MAML1: variants seen among roughly 807,000 people sequenced by gnomAD.
The protein encoded by MAML1 is mastermind-like protein 1.
A neutral mutation model predicts 77.1 loss-of-function variants in MAML1; 14 were observed. That is an observed-to-expected ratio of 0.18 (90% confidence interval 0.12 to 0.28). MAML1 has a LOEUF of 0.28. Ranked by LOEUF, MAML1 falls within the 10% of genes least tolerant of loss-of-function variation. The pLI is 1.00. For synonymous variants in MAML1, 516 were observed against 551.9 expected, an observed-to-expected ratio of 0.93 and a Z score of 0.91; for missense variants, 1,217 against 1,327.8, an observed-to-expected ratio of 0.92 and a Z score of 1.30.
At chr5:179,749,816 G>A (rs1779452063) in intron 1 of MAML1, among the ~76,000 whole-genome samples, 4 of 152,140 alleles carry the variant, frequency 2.6e-5, no homozygotes, top group Admixed American at 2.6e-4. Flanking sequence ...GTGAAGGCAG[G>A]CCATGGTGAG....
At chr5:179,773,791 TC>T in intron 4 of MAML1, 103 bp from the exon 5 acceptor site, 2 of 1,510,454 alleles carry the variant, frequency 1.3e-6, no homozygotes, top group Middle Eastern at 2.3e-4. Flanking sequence ...GGGGCCCTCT[TC>T]CCAGTGTGCC....
intron 1 of MAML1, among the ~76,000 whole-genome samples, chr5:179,753,955 G>A (rs1298635076): frequency 1.3e-5 from 2 of 151,708 alleles, no homozygotes; most frequent in Non-Finnish European, 2.9e-5. Flanking sequence ...TACAGGCGTG[G>A]GCCACCTTGC....
At chr5:179,753,756 G>A (rs990863947) in intron 1 of MAML1, among the ~76,000 whole-genome samples, 3 of 141,620 alleles carry the variant, frequency 2.1e-5, no homozygotes, top group African/African-American at 5.1e-5. Flanking sequence ...TCCGCCTCCC[G>A]GGCCCGGGTT....
intron 1 of MAML1, among the ~76,000 whole-genome samples, chr5:179,738,160 T>C (rs1779209339): frequency 6.6e-6 from 1 of 152,196 alleles, no homozygotes; most frequent in African/African-American, 2.4e-5. Context: ...GTTGTCACTG[T>C]TGTGCCCCAT....
chr5:179,762,637 C>T (rs1180788693), intron 1 of MAML1, among the ~76,000 whole-genome samples: 1 of 152,184 alleles, frequency 6.6e-6, no homozygotes, highest in Non-Finnish European at 1.5e-5. Context: ...ACGTGGCAGC[C>T]AGTCTAGTAT....
intron 1 of MAML1, among the ~76,000 whole-genome samples, chr5:179,738,858 A>G (rs578064894): frequency 3.3e-5 from 5 of 151,306 alleles, no homozygotes; most frequent in South Asian, 2.1e-4. Context: ...ATGGCTCACT[A>G]CAGCCTCAAC....
Position 179,769,535 on chromosome 5 carries a change from C to T in MAML1, c.1971+446C>T, listed in dbSNP as rs373999496. The stretch of plus-strand genomic sequence containing the variant: ...TTGGTTAGCAAGTGTAGTGTGCAGG[C>T]ACTAAGGGTTACAAGTGAGAGTTCT... On this transcript the variant is annotated intron_variant, in intron 3 of 4. Transcript: ENST00000292599. This position sits in a 1 kb window ranked among gnomAD's most constrained non-coding sequence, Gnocchi z 4.2. Among the ~76,000 whole-genome samples the T allele has an allele frequency of 1.6e-4, 25 of 151,598 alleles. No homozygotes were observed. The highest frequency in any genetic ancestry group is 5.8e-4 in the African/African-American group (24 of 41,232).
At chr5:179,762,809 C>T (rs752187939) in intron 1 of MAML1, among the ~76,000 whole-genome samples, 37 of 152,174 alleles carry the variant, frequency 2.4e-4, no homozygotes, top group Non-Finnish European at 4.7e-4. Context: ...AAAAATCTGC[C>T]GGGGCCACCA....
chr5:179,740,796 G>A (rs930335265), intron 1 of MAML1, among the ~76,000 whole-genome samples: 1 of 152,156 alleles, frequency 6.6e-6, no homozygotes, highest in Admixed American at 6.5e-5. Flanking sequence ...TGTTTTGCGG[G>A]CAGGAGAGGG....
chr5:179,768,652 T>C (rs1779865627), intron 2 of MAML1, among the ~76,000 whole-genome samples, 198 bp from the exon 3 acceptor site: 1 of 152,212 alleles, frequency 6.6e-6, no homozygotes, highest in Admixed American at 6.5e-5. Flanking sequence ...ATGGAGTAAT[T>C]GTTCGTTGCT....
At chr5:179,761,977 G>A (rs908468934) in intron 1 of MAML1, among the ~76,000 whole-genome samples, 5 of 152,090 alleles carry the variant, frequency 3.3e-5, no homozygotes, top group African/African-American at 4.8e-5. Flanking sequence ...GAAGATGATA[G>A]AAGAGGTAAA....
chr5:179,738,904 C>T (rs1214650418), intron 1 of MAML1, among the ~76,000 whole-genome samples: 1 of 152,166 alleles, frequency 6.6e-6, no homozygotes, highest in East Asian at 1.9e-4. Context: ...CCACAGCCTC[C>T]TCAGTAGCTG....
intron 1 of MAML1, among the ~76,000 whole-genome samples, chr5:179,760,591 T>C (rs1247941986): frequency 6.6e-6 from 1 of 152,228 alleles, no homozygotes; most frequent in Admixed American, 6.5e-5. Context: ...TTGGGTTTAT[T>C]TGAGTGTGAT....
chr5:179,774,314 C>T lies in MAML1; in HGVS notation c.2488C>T (p.Pro830Ser). 1 of 1,613,476 alleles carries T rather than the reference C, an allele frequency of 6.2e-7. No individual in the cohort carries two copies. The highest frequency in any genetic ancestry group is 8.5e-7 in the Non-Finnish European group (1 of 1,180,032). ...LTKPPVPRVS[P>S]AMGGQNSSWQ... ...AAAGCCACCGGTCCCAAGGGTGTCA[C>T]CAGCCATGGGAGGCCAGAATTCCTC... Residue 830 changes from proline (P) to serine (S), a missense_variant, in exon 5 of 5, where the codon CCA (proline) becomes TCA (serine). Coordinates refer to ENST00000292599, the MANE Select transcript of MAML1 (RefSeq NM_014757.5).
Position 179,771,158 on chromosome 5 carries a change from G to C in MAML1, c.1983G>C (p.Gln661His). The change falls in exon 4 of 5, where the codon CAG becomes CAC. Residue 661 changes from glutamine to histidine, a missense_variant. Physicochemically the swap from Gln to His is conservative, Grantham distance 24. This residue lies in a region of MAML1 where 884 missense variants were observed against 949.3 expected (regional missense o/e 0.93). Coordinates refer to ENST00000292599, the MANE Select transcript of MAML1 (RefSeq NM_014757.5). This position sits in a 1 kb window ranked among gnomAD's most constrained non-coding sequence, Gnocchi z 4.7. ...TTGGCATTTTCTAGGAGAAGCAACA[G>C]TTTCAGCGCCATCTGACCCGCCCAC... ...QHLLAEQEKQ[Q>H]FQRHLTRPPP... 6.2e-7 allele frequency: 1 copy of C among 1,614,088 alleles called. No individual in the cohort carries two copies. The highest frequency in any genetic ancestry group is 8.5e-7 in the Non-Finnish European group (1 of 1,179,946).
At chr5:179,760,506 T>G (rs1779705708) in intron 1 of MAML1, among the ~76,000 whole-genome samples, 1 of 152,124 alleles carries the variant, frequency 6.6e-6, no homozygotes, top group African/African-American at 2.4e-5. Context: ...CCCAGCATGC[T>G]GCACAGCAGG....
rs1756144718 is a variant in MAML1 at position 179,776,864 on chromosome 5, C to G, written c.*1987C>G. ...GCTGCCCATGGCTTTATTTATGAAC[C>G]TGGTTTTCGGGAGTCAGGGGAGGAG... On this transcript the variant is annotated 3_prime_UTR_variant, in exon 5 of 5. Coordinates refer to ENST00000292599, the MANE Select transcript of MAML1 (RefSeq NM_014757.5). 2.0e-6 allele frequency: 2 copies of G among 985,784 alleles called. No homozygotes were observed. Among genetic ancestry groups the G allele is most frequent in the African/African-American group, 3.5e-5 (2 of 57,246 alleles). The allele number at this position is 985,784 out of a possible 1,614,324, so 61.1% of individuals were successfully genotyped here. A position where few individuals can be genotyped will look rare whatever the true frequency, so the allele number is the denominator to read the frequency against.
In MAML1 at chr5:179,741,683, CAAA is replaced by C. The variant is rs10617185; in HGVS notation, c.315+8275_315+8277del. Among the ~76,000 whole-genome samples the C allele has an allele frequency of 9.6e-3, 856 of 89,282 alleles. 8 individuals are homozygous for C. Among genetic ancestry groups the C allele is most frequent in the African/African-American group, 0.028 (660 of 23,634 alleles). The allele number at this position is 89,282 out of a possible 152,430, so 58.6% of individuals were successfully genotyped here. A position where few individuals can be genotyped will look rare whatever the true frequency, so the allele number is the denominator to read the frequency against. On this transcript the variant is annotated intron_variant, in intron 1 of 4. Coordinates refer to ENST00000292599, the MANE Select transcript of MAML1 (RefSeq NM_014757.5). ...CCTGGGTGGCAGAGCGAGACTGTCT[CAAA>C]AAAAAAAAAAAAAAAAAAGAATTTA...
At chr5:179,764,723 A>G (rs1779782384) in intron 1 of MAML1, among the ~76,000 whole-genome samples, 1 of 151,546 alleles carries the variant, frequency 6.6e-6, no homozygotes, top group African/African-American at 2.4e-5. Context: ...GCACTTTGGG[A>G]GGCTGAGACG....
Sources: allele counts gnomAD v4.1 joint callset (sites outside exome capture counted in the v4.1 genomes callset), GRCh38; gene constraint gnomAD v4.1.1; regional missense constraint gnomAD v4.1.1; non-coding constraint Gnocchi (gnomAD v3.1); transcripts MANE v1.5; gene names NCBI Gene and HGNC (gene_info 2026-07-23, HGNC 2026-07-21).